PPM1F: variants seen among roughly 807,000 people sequenced by gnomAD.
The protein encoded by PPM1F is protein phosphatase 1F.
Under a neutral mutation model 35.5 loss-of-function variants are expected in PPM1F, and 17 were observed. The observed-to-expected ratio is 0.48, with a 90% CI of 0.33 to 0.72. The LOEUF is 0.72. Ranked by LOEUF, PPM1F falls within the 30% of genes least tolerant of loss-of-function variation. The probability of loss-of-function intolerance (pLI) is 0.02; values close to 1 mark genes in which losing one functional copy is unlikely to be tolerated. For missense variants in PPM1F, 521 were observed against 613.0 expected, an observed-to-expected ratio of 0.85 and a Z score of 1.59; for synonymous variants, 241 against 255.5, an observed-to-expected ratio of 0.94 and a Z score of 0.54.
intron 7 of PPM1F, 143 bp downstream of exon 7, chr22:21,925,426 C>T (rs112822844): frequency 3.3e-5 from 22 of 658,720 alleles, no homozygotes; most frequent in African/African-American, 1.3e-4. Flanking sequence ...CTTCACACTA[C>T]GAGGGTATCA....
At position 21,939,726 on chromosome 22, in the gene PPM1F, C is replaced by A. The variant is rs1180834028; in HGVS notation, c.207-46G>T. ...GTGAGGGGCAGCCCCCAGCAGGAGA[C>A]CACACCTAGCCCCCCTTCCCCAACT... is the stretch of plus-strand genomic sequence containing the variant. On this transcript the variant is annotated intron_variant, in intron 2 of 7. Transcript: ENST00000263212. This position sits in a 1 kb window ranked among gnomAD's most constrained non-coding sequence, Gnocchi z 5.1. 10 of 1,546,740 alleles carry A rather than the reference C, an allele frequency of 6.5e-6. No homozygotes were observed. In the South Asian group the frequency reaches 1.2e-4, roughly 18 times the overall value.
intron 7 of PPM1F, 115 bp from the exon 8 acceptor site, chr22:21,923,586 G>T: frequency 8.7e-7 from 1 of 1,151,028 alleles, no homozygotes; most frequent in Non-Finnish European, 1.2e-6. Context: ...CTGCTCTCAT[G>T]GGGTCTGGGG....
chr22:21,951,349 CTTTTTT>C (rs56062012), intron 1 of PPM1F: 11 of 99,386 alleles, frequency 1.1e-4, no homozygotes, highest in South Asian at 3.5e-4. Context: ...AGATGGTATC[CTTTTTT>C]TTTTTTTTTT....
At position 21,920,589 on chromosome 22, in the gene PPM1F, G is replaced by C. The variant is rs1000198697; in HGVS notation, c.*2503C>G. On this transcript the variant is annotated 3_prime_UTR_variant, in exon 8 of 8. Transcript: ENST00000263212. Reference sequence around the variant, plus strand: ...CAAGGGCGGAGCAGCTCCCAGTGCTGGCACCAGACCTCTGCCAGGCACGGG... The same window carrying C: ...CAAGGGCGGAGCAGCTCCCAGTGCTCGCACCAGACCTCTGCCAGGCACGGG... The C allele has an allele frequency of 1.3e-5, 2 of 152,448 alleles. No homozygotes were observed. 9.4% of individuals were successfully genotyped at this position (152,448 alleles called of 1,614,324 possible). A position where few individuals can be genotyped will look rare whatever the true frequency, so the allele number is the denominator to read the frequency against.
chr22:21,939,545 CT>C lies in PPM1F; in HGVS notation c.341del (p.Lys114ArgfsTer4). 4 of 1,593,268 alleles carry C rather than the reference CT, an allele frequency of 2.5e-6. No homozygotes were observed. The highest frequency in any genetic ancestry group is 3.4e-6 in the Non-Finnish European group (4 of 1,168,856). ...AACAGAACTCACAGGTCACAGGGGC[CT>C]TTTCCTCCTCGTCATCGTCCTCCTC... ...EEEEDDDEEEKAPVTLLDAQS... is the reference protein window; with the variant it reads ...EEEEDDDEEEXAPVTLLDAQS... On this transcript the variant is annotated frameshift_variant, in exon 3 of 8. Transcript: ENST00000263212. LOFTEE classifies it high-confidence loss of function. The surrounding 1 kb of genome is among the most constrained non-coding windows in gnomAD (Gnocchi z 5.1).
chr22:21,937,872 T>C, intron 3 of PPM1F: 1 of 321,052 alleles, frequency 3.1e-6, no homozygotes, highest in Non-Finnish European at 6.0e-6. Context: ...GATTCTTCGC[T>C]GATCCAGTCA....
At position 21,926,278 on chromosome 22, in the gene PPM1F, C is replaced by T. The variant is rs551828675; in HGVS notation, c.892-616G>A. Among the ~76,000 whole-genome samples the T allele has an allele frequency of 2.9e-4, 44 of 152,048 alleles. 1 individual carries two copies. In the South Asian group the frequency reaches 8.7e-3, roughly 30 times the overall value. On this transcript the variant is annotated intron_variant, in intron 6 of 7. Transcript: ENST00000263212. ...TCCTGAGTAGCTGTGACTACAGGGG[C>T]GTGCCACCATGCCCAGCTAATTTTT...
rs141626312 is a variant in PPM1F, at chr22:21,923,440, C to G, written c.1017G>C (p.Gly339=). The change falls in exon 8 of 8, where the codon GGG becomes GGC. Residue 339 remains glycine, a synonymous_variant. Transcript: ENST00000263212. ...GDVFQKPYVS[G]EADAASRALT... is the part of the protein sequence containing the mutation. The stretch of plus-strand genomic sequence containing the variant: ...GCGCCCGGGAAGCTGCATCGGCCTC[C>G]CCAGACACGTAGGGCTTCTGGAAGA... The G allele has an allele frequency of 9.2e-5, 149 of 1,610,868 alleles. No individual in the cohort carries two copies. The African/African-American group carries it at 1.9e-3, about 20-fold the overall frequency.
intron 1 of PPM1F, chr22:21,950,165 C>A: frequency 6.6e-6 from 1 of 152,338 alleles, no homozygotes. Context: ...CATTGGCCAC[C>A]AGCTCTGGGC....
rs1222216466 is a variant in PPM1F, at chr22:21,939,554, C to T, written c.333G>A (p.Glu111=). 1.9e-6 allele frequency: 3 copies of T among 1,586,814 alleles called. No homozygotes were observed. The highest frequency in any genetic ancestry group is 2.6e-6 in the Non-Finnish European group (3 of 1,165,250). ...CACAGGTCACAGGGGCCTTTTCCTC[C>T]TCGTCATCGTCCTCCTCCTCTTCTT... is the stretch of plus-strand genomic sequence containing the variant. The part of the protein sequence containing the change: ...EEEEEEEDDD[E]EEKAPVTLLD... Residue 111 remains glutamate (E), a synonymous_variant, in exon 3 of 8, where the codon GAG becomes GAA. Transcript: ENST00000263212. This position sits in a 1 kb window ranked among gnomAD's most constrained non-coding sequence, Gnocchi z 5.1.
Position 21,937,960 on chromosome 22 carries a change from T to G in PPM1F, c.355+1572A>C, listed in dbSNP as rs1365572452. ...TTCAGTGGCAATTCTTATAATACAATCCCCACTCTGACGCAATTTTGTAAG... is the reference window on the plus strand; with the variant it reads ...TTCAGTGGCAATTCTTATAATACAAGCCCCACTCTGACGCAATTTTGTAAG... On this transcript the variant is annotated intron_variant, in intron 3 of 7. Coordinates refer to ENST00000263212, the MANE Select transcript of PPM1F (RefSeq NM_014634.4). The G allele has an allele frequency of 1.6e-5, 10 of 619,678 alleles. No homozygotes were observed. The East Asian group carries it at 7.4e-4, about 46-fold the overall frequency. 38.4% of individuals were successfully genotyped at this position (619,678 alleles called of 1,614,324 possible).
In PPM1F at chr22:21,938,169, T is replaced by C. The variant is rs930644916; in HGVS notation, c.355+1363A>G. Reference sequence around the variant, plus strand: ...CCTGCAGGAGCCCCGAGCGTAGGACTGGGCTGGTGCCGGCGCAGCAACGCT... The same window carrying C: ...CCTGCAGGAGCCCCGAGCGTAGGACCGGGCTGGTGCCGGCGCAGCAACGCT... On this transcript the variant is annotated intron_variant, in intron 3 of 7. Coordinates refer to ENST00000263212, the MANE Select transcript of PPM1F (RefSeq NM_014634.4). 1.9e-5 allele frequency: 25 copies of C among 1,303,396 alleles called. No individual in the cohort carries two copies. The African/African-American group carries it at 2.7e-4, about 14-fold the overall frequency. The allele number at this position is 1,303,396 out of a possible 1,614,324, so 80.7% of individuals were successfully genotyped here. A position where few individuals can be genotyped will look rare whatever the true frequency, so the allele number is the denominator to read the frequency against.
Position 21,945,990 on chromosome 22 carries a change from G to A in PPM1F, c.59C>T (p.Pro20Leu). ...SPMASGAEET[P>L]GFLDTLLQDF... ...TTGCAGGAGCGTGTCCAGGAAGCCT[G>A]GGGTCTCCTCAGCTCCACTGGCCAT... Residue 20 changes from proline to leucine, a missense_variant, in exon 2 of 8, where the codon CCA becomes CTA. Coordinates refer to ENST00000263212, the MANE Select transcript of PPM1F (RefSeq NM_014634.4). 6.2e-7 allele frequency: 1 copy of A among 1,607,278 alleles called. No homozygotes were observed. The highest frequency in any genetic ancestry group is 8.5e-7 in the Non-Finnish European group (1 of 1,176,358).
At chr22:21,949,290 C>T (rs1486899996) in intron 1 of PPM1F, 1 of 152,254 alleles carries the variant, frequency 6.6e-6, no homozygotes, top group Non-Finnish European at 1.5e-5. Context: ...CTTGTTTCTG[C>T]ATCACCAACC....
At position 21,922,940 on chromosome 22, in the gene PPM1F, G is replaced by T; in HGVS notation, c.*152C>A. The T allele has an allele frequency of 2.2e-6, 2 of 912,748 alleles. No individual in the cohort carries two copies. The highest frequency in any genetic ancestry group is 2.5e-5 in the East Asian group (1 of 40,418). The allele number at this position is 912,748 out of a possible 1,614,324, so 56.5% of individuals were successfully genotyped here. ...AGTTCCACAGCCACCAGGACGGGCT[G>T]CGGGGGGTGTCCCGACTGGCTCTGG... On this transcript the variant is annotated 3_prime_UTR_variant, in exon 8 of 8. Transcript: ENST00000263212.
intron 6 of PPM1F, among the ~76,000 whole-genome samples, chr22:21,927,670 G>C (rs573757633): frequency 8.3e-4 from 127 of 152,334 alleles, no homozygotes; most frequent in African/African-American, 2.8e-3. Flanking sequence ...GGGCAGGAGG[G>C]CACAGGGGCT....
intron 5 of PPM1F, among the ~76,000 whole-genome samples, chr22:21,933,044 G>A (rs1569128190): frequency 6.6e-6 from 1 of 152,158 alleles, no homozygotes; most frequent in Non-Finnish European, 1.5e-5. Flanking sequence ...ACTGTGAGTA[G>A]TAGACTCTTT....
intron 3 of PPM1F, among the ~76,000 whole-genome samples, chr22:21,937,495 C>T (rs2070672709): frequency 6.6e-6 from 1 of 152,200 alleles, no homozygotes; most frequent in African/African-American, 2.4e-5. Flanking sequence ...GGCAGCTCCA[C>T]ACAAGTTTGG....
chr22:21,946,039 C>T lies in PPM1F; in HGVS notation c.10G>A (p.Gly4Arg). Residue 4 changes from glycine (G) to arginine (R), a missense_variant, in exon 2 of 8, where the codon GGA becomes AGA. Physicochemically the swap from Gly to Arg is moderately radical, Grantham distance 125 (BLOSUM62 -2). This residue lies in a region of PPM1F where 311 missense variants were observed against 351.5 expected (regional missense o/e 0.88). Transcript: ENST00000263212. ...ATTGGGCTGCTCTTCTGTGGGGCTC[C>T]AGAGGACATGCCCAAAGCATCCCGG... MSS[G>R]APQKSSPMAS... The T allele has an allele frequency of 6.5e-7, 1 of 1,541,634 alleles. No individual in the cohort carries two copies. Among genetic ancestry groups the T allele is most frequent in the Non-Finnish European group, 8.8e-7 (1 of 1,141,808 alleles).
Sources: allele counts gnomAD v4.1 joint callset (sites outside exome capture counted in the v4.1 genomes callset), GRCh38; gene constraint gnomAD v4.1.1; regional missense constraint gnomAD v4.1.1; non-coding constraint Gnocchi (gnomAD v3.1); transcripts MANE v1.5; gene names NCBI Gene and HGNC (gene_info 2026-07-23, HGNC 2026-07-21).